The following FOXP1 variants were observed in gnomAD, a reference collection of about 807,000 sequenced individuals.
The protein encoded by FOXP1 is forkhead box P1, also known as forkhead box protein P1.
In FOXP1, 15 loss-of-function variants were observed where a neutral mutation model predicts 98.2. The observed-to-expected ratio is 0.15, with a 90% confidence interval of 0.10 to 0.24. The LOEUF (loss-of-function observed/expected upper bound fraction) is 0.24, where lower values mean the gene tolerates loss of function less well. Among genes scored for constraint, FOXP1 ranks in the 10% least tolerant of loss-of-function variants. FOXP1 has a pLI of 1.00. For synonymous variants in FOXP1, 371 were observed against 314.5 expected (o/e 1.18, Z -1.90); for missense variants, 633 against 848.5 (o/e 0.75, Z 3.15).
In FOXP1 at chr3:70,956,641, T is replaced by C. The variant is rs758475664; in HGVS notation, c.*2606A>G. 5.5e-6 allele frequency: 1 copy of C among 180,356 alleles called. No individual in the cohort carries two copies. The highest frequency in any genetic ancestry group is 1.1e-5 in the Non-Finnish European group (1 of 88,830). 11.2% of individuals were successfully genotyped at this position (180,356 alleles called of 1,614,324 possible). A position where few individuals can be genotyped will look rare whatever the true frequency, so the allele number is the denominator to read the frequency against. ...TTTTATCCTCTTTTGAATACCAAAC[T>C]AACCAGCAACCACTCAGTTTAGAAG... On this transcript the variant is annotated 3_prime_UTR_variant, in exon 21 of 21. Coordinates refer to ENST00000649528, the MANE Select transcript of FOXP1 (RefSeq NM_001349338.3).
chr3:71,027,464 C>T (rs1213004750), intron 11 of FOXP1, among the ~76,000 whole-genome samples: 1 of 152,140 alleles, frequency 6.6e-6, no homozygotes, highest in Non-Finnish European at 1.5e-5. Context: ...TATGTATTTC[C>T]TTAGAATTAC....
At chr3:71,137,645 C>T (rs2107972629) in intron 6 of FOXP1, among the ~76,000 whole-genome samples, 1 of 152,184 alleles carries the variant, frequency 6.6e-6, no homozygotes, top group South Asian at 2.1e-4. Flanking sequence ...ATGTCCAATG[C>T]CAGCAGTGAA....
intron 6 of FOXP1, among the ~76,000 whole-genome samples, chr3:71,136,682 T>C (rs1024089275): frequency 2.6e-5 from 4 of 152,204 alleles, no homozygotes; most frequent in African/African-American, 9.6e-5. Flanking sequence ...TCAACAACTG[T>C]TTTTTGCTGT....
chr3:70,972,323 T>A (rs1200100087), intron 18 of FOXP1: 1 of 902,514 alleles, frequency 1.1e-6, no homozygotes, highest in African/African-American at 1.7e-5. Flanking sequence ...AGGGTTAATA[T>A]GCATTGCCAC....
chr3:71,583,806 G>C (rs1171531066), upstream of FOXP1: 3 of 987,236 alleles, frequency 3.0e-6, no homozygotes, highest in Admixed American at 6.2e-5. Flanking sequence ...GCCAGCGCCG[G>C]TGGCGGCGGC....
chr3:71,042,682 A>T (rs745985222), intron 10 of FOXP1, among the ~76,000 whole-genome samples: 1 of 152,170 alleles, frequency 6.6e-6, no homozygotes, highest in Non-Finnish European at 1.5e-5. Flanking sequence ...CCATTTTCTG[A>T]CTATATAGCA....
At chr3:71,301,406 A>G (rs1408183461) in intron 4 of FOXP1, among the ~76,000 whole-genome samples, 1 of 152,184 alleles carries the variant, frequency 6.6e-6, no homozygotes, top group African/African-American at 2.4e-5. Context: ...CACTCTACAC[A>G]AATCAGAGCT....
intron 7 of FOXP1, among the ~76,000 whole-genome samples, chr3:71,096,127 T>C (rs967566573): frequency 6.6e-6 from 1 of 152,206 alleles, no homozygotes; most frequent in African/African-American, 2.4e-5. Flanking sequence ...TATAGATGGC[T>C]TGCATTGCTG....
At chr3:71,555,064 A>G (rs2046032016) in intron 2 of FOXP1, among the ~76,000 whole-genome samples, 1 of 152,238 alleles carries the variant, frequency 6.6e-6, no homozygotes, top group Non-Finnish European at 1.5e-5. Flanking sequence ...CTTACAATGT[A>G]TATATTTTTT....
intron 3 of FOXP1, among the ~76,000 whole-genome samples, chr3:71,417,707 A>G (rs2083319542): frequency 6.6e-6 from 1 of 152,138 alleles, no homozygotes; most frequent in Non-Finnish European, 1.5e-5. Flanking sequence ...TTATTTTTCT[A>G]TGCAGATCTA....
At chr3:71,139,511 G>A (rs1056562016) in intron 6 of FOXP1, among the ~76,000 whole-genome samples, 3 of 150,958 alleles carry the variant, frequency 2.0e-5, no homozygotes, top group Non-Finnish European at 2.9e-5. Flanking sequence ...AAAAAGAAAC[G>A]TTAATTGATC....
chr3:71,268,592 T>C (rs2069989096), intron 5 of FOXP1, among the ~76,000 whole-genome samples: 1 of 152,148 alleles, frequency 6.6e-6, no homozygotes, highest in African/African-American at 2.4e-5. Flanking sequence ...AGACACATCA[T>C]GCCAGCCCCT....
chr3:71,146,649 C>T (rs185060015), intron 6 of FOXP1, among the ~76,000 whole-genome samples: 1 of 152,292 alleles, frequency 6.6e-6, no homozygotes, highest in East Asian at 1.9e-4. Context: ...TTACAAACTA[C>T]TCTAATTGTC....
At chr3:71,565,025 G>A (rs566863564) in intron 2 of FOXP1, among the ~76,000 whole-genome samples, 46 of 152,274 alleles carry the variant, frequency 3.0e-4, no homozygotes, top group African/African-American at 1.0e-3. Context: ...TCTTGAACCC[G>A]GGAGGCGAGG....
At chr3:71,013,085 A>T (rs965538122) in intron 12 of FOXP1, among the ~76,000 whole-genome samples, 2 of 152,154 alleles carry the variant, frequency 1.3e-5, no homozygotes, top group Non-Finnish European at 2.9e-5. Flanking sequence ...GCATAGAAGC[A>T]TTTCACTTCA....
chr3:71,464,680 C>A (rs551839754), intron 3 of FOXP1, among the ~76,000 whole-genome samples: 14 of 152,308 alleles, frequency 9.2e-5, no homozygotes, highest in African/African-American at 3.4e-4. Context: ...CTTTTCACCC[C>A]CAAGGTGAGG....
At chr3:71,192,219 T>C (rs2063026151) in intron 6 of FOXP1, among the ~76,000 whole-genome samples, 1 of 152,228 alleles carries the variant, frequency 6.6e-6, no homozygotes, top group Middle Eastern at 3.4e-3. Flanking sequence ...CTAACAAAGT[T>C]CATAAGCCAC....
intron 5 of FOXP1, among the ~76,000 whole-genome samples, chr3:71,210,045 GA>G (rs1328355080): frequency 6.6e-6 from 1 of 152,018 alleles, no homozygotes; most frequent in East Asian, 1.9e-4. Flanking sequence ...ATGAGAAAAG[GA>G]TATTAAAAAA....
intron 4 of FOXP1, among the ~76,000 whole-genome samples, chr3:71,347,585 G>C (rs187456716): frequency 4.3e-4 from 65 of 152,270 alleles, no homozygotes; most frequent in South Asian, 1.9e-3. Context: ...TGAGTTTGCT[G>C]AATGTAAAGA....
Sources: allele counts gnomAD v4.1 joint callset (sites outside exome capture counted in the v4.1 genomes callset), GRCh38; gene constraint gnomAD v4.1.1; transcripts MANE v1.5; gene names NCBI Gene and HGNC (gene_info 2026-07-23, HGNC 2026-07-21).